Variants in KCNK2 observed in about 807,000 individuals in gnomAD.
The protein encoded by KCNK2 is potassium channel subfamily K member 2.
Under a neutral mutation model 40.5 loss-of-function variants are expected in KCNK2, and 21 were observed. The observed-to-expected ratio is 0.52, with a 90% CI of 0.37 to 0.75. The LOEUF is 0.75. Ranked by LOEUF, KCNK2 falls within the 30% of genes least tolerant of loss-of-function variation. KCNK2 has a pLI of 0.00. For missense variants in KCNK2, 399 were observed against 531.6 expected (o/e 0.75, Z 2.45); for synonymous variants, 191 against 202.2 (o/e 0.94, Z 0.47).
chr1:215,054,213 A>G lies in KCNK2; in HGVS notation c.35-32155A>G, dbSNP rs1463141060. Among the ~76,000 whole-genome samples, 3 of 152,192 alleles carry G rather than the reference A, an allele frequency of 2.0e-5. No individual in the cohort carries two copies. The East Asian group carries it at 5.8e-4, about 29-fold the overall frequency. On this transcript the variant is annotated intron_variant, in intron 1 of 6. Transcript: ENST00000391895. ...ATATTTCCCTTAATGCAGAATTGTC[A>G]ATGTCATGTTCTTTGGTGGAGAGGA...
chr1:215,123,378 TCTTTATGC>T (rs1661279443), intron 2 of KCNK2, among the ~76,000 whole-genome samples: 1 of 151,884 alleles, frequency 6.6e-6, no homozygotes, highest in South Asian at 2.1e-4. Flanking sequence ...TTTATTATCT[TCTTTATGC>T]CTTTTTGTAT....
Position 215,025,934 on chromosome 1 carries a change from G to C in KCNK2, c.34+19979G>C, listed in dbSNP as rs574062147. On this transcript the variant is annotated intron_variant, in intron 1 of 6. Coordinates refer to the KCNK2 transcript ENST00000391895. ...ACATTTTAATAAATGTTGCCCAATT[G>C]CTTTCTTAAAAAGCTGTACCAATTT... Among the ~76,000 whole-genome samples, 9 of 152,086 alleles carry C rather than the reference G, an allele frequency of 5.9e-5. No individual in the cohort carries two copies. In the South Asian group the frequency reaches 1.9e-3, roughly 32 times the overall value.
At chr1:215,140,175 G>T (rs1234247058) in intron 3 of KCNK2, among the ~76,000 whole-genome samples, 1 of 152,096 alleles carries the variant, frequency 6.6e-6, no homozygotes, top group Non-Finnish European at 1.5e-5. Flanking sequence ...GATACAGAAA[G>T]CCATTACTTG....
chr1:215,161,837 T>C (rs1044287444), intron 3 of KCNK2, among the ~76,000 whole-genome samples: 3 of 152,244 alleles, frequency 2.0e-5, no homozygotes, highest in African/African-American at 7.2e-5. Flanking sequence ...TGATGGGCAT[T>C]TGGATTGGTT....
chr1:215,134,940 A>T (rs971425189), intron 3 of KCNK2, among the ~76,000 whole-genome samples: 2 of 151,980 alleles, frequency 1.3e-5, no homozygotes, highest in Non-Finnish European at 2.9e-5. Flanking sequence ...ATCATGAGGA[A>T]TATGAAATAA....
chr1:215,192,775 T>G lies in KCNK2; in HGVS notation c.824-2178T>G, dbSNP rs543686918. On this transcript the variant is annotated intron_variant, in intron 5 of 6. Transcript: ENST00000444842. ...ATGCATTTATAATTATTCCCAGAAATAAGCTTTTAATGTTGCAAAAAGTAA... is the reference window on the plus strand; with the variant it reads ...ATGCATTTATAATTATTCCCAGAAAGAAGCTTTTAATGTTGCAAAAAGTAA... 1.6e-4 allele frequency among the ~76,000 whole-genome samples: 24 copies of G among 152,280 alleles called. No individual in the cohort carries two copies. In the South Asian group the frequency reaches 5.0e-3, roughly 32 times the overall value.
intron 2 of KCNK2, among the ~76,000 whole-genome samples, chr1:215,099,498 T>G (rs1660121454): frequency 6.6e-6 from 1 of 152,020 alleles, no homozygotes. Context: ...TGTGGACTGC[T>G]AAGTTAAAAA....
chr1:215,095,650 C>T (rs985035085), intron 2 of KCNK2, among the ~76,000 whole-genome samples: 3 of 152,124 alleles, frequency 2.0e-5, no homozygotes, highest in East Asian at 1.9e-4. Flanking sequence ...TATGGGGTTG[C>T]GTTTTTTTCA....
At chr1:215,162,162 C>G (rs964912340) in intron 3 of KCNK2, among the ~76,000 whole-genome samples, 1 of 152,186 alleles carries the variant, frequency 6.6e-6, no homozygotes, top group Non-Finnish European at 1.5e-5. Flanking sequence ...ATTTGCATTT[C>G]TCTAATGAAC....
At chr1:215,215,014 A>C (rs910806404) in intron 6 of KCNK2, among the ~76,000 whole-genome samples, 1 of 152,206 alleles carries the variant, frequency 6.6e-6, no homozygotes, top group African/African-American at 2.4e-5. Context: ...ATGAGCAACC[A>C]ACTTTTACAT....
At chr1:215,047,493 C>A (rs985436671) in intron 1 of KCNK2, among the ~76,000 whole-genome samples, 6 of 151,958 alleles carry the variant, frequency 3.9e-5, no homozygotes, top group Admixed American at 2.6e-4. Context: ...AAATTTGAAC[C>A]TAGATTTCTT....
chr1:215,012,664 T>C (rs1656449128), intron 1 of KCNK2, among the ~76,000 whole-genome samples: 2 of 144,556 alleles, frequency 1.4e-5, no homozygotes, highest in Non-Finnish European at 3.0e-5. Context: ...TTTTTTTTTT[T>C]CTGTAGAGTC....
intron 6 of KCNK2, among the ~76,000 whole-genome samples, chr1:215,223,272 CTTACAAGTATTATCGATACTT>C (rs1666259547): frequency 9.1e-6 from 1 of 110,164 alleles, no homozygotes. Flanking sequence ...AGTCAAAACT[CTTACAAGTATTATCGATACTT>C]GAGTTGGCTG....
intron 5 of KCNK2, among the ~76,000 whole-genome samples, chr1:215,186,906 C>T (rs1379315799): frequency 1.3e-5 from 2 of 152,168 alleles, no homozygotes. Context: ...CAGAGTAATT[C>T]TTCCTAAAGG....
chr1:215,128,441 G>C (rs2102585994), intron 3 of KCNK2, among the ~76,000 whole-genome samples: 1 of 152,296 alleles, frequency 6.6e-6, no homozygotes, highest in South Asian at 2.1e-4. Flanking sequence ...AAGGAAGTAA[G>C]GACGTAGTCC....
At chr1:215,048,877 T>C (rs1657880710) in intron 1 of KCNK2, among the ~76,000 whole-genome samples, 1 of 152,182 alleles carries the variant, frequency 6.6e-6, no homozygotes, top group African/African-American at 2.4e-5. Context: ...TCCCGTGGCA[T>C]GATGTACCAA....
At chr1:215,017,046 C>T (rs920081148) in intron 1 of KCNK2, among the ~76,000 whole-genome samples, 1 of 151,982 alleles carries the variant, frequency 6.6e-6, no homozygotes, top group Admixed American at 6.6e-5. Flanking sequence ...TGAGATATCA[C>T]CTCGCCCTAT....
At chr1:215,229,742 T>C (rs1320516273) in intron 6 of KCNK2, among the ~76,000 whole-genome samples, 6 of 152,024 alleles carry the variant, frequency 3.9e-5, no homozygotes, top group Non-Finnish European at 5.9e-5. Context: ...TTTAGATGAG[T>C]TGCCCAAGTG....
chr1:215,078,316 G>A (rs565747704), upstream of KCNK2, among the ~76,000 whole-genome samples: 1 of 152,330 alleles, frequency 6.6e-6, no homozygotes, highest in South Asian at 2.1e-4. Flanking sequence ...AAACGCAGGA[G>A]ATAATAAAAC....
Sources: allele counts gnomAD v4.1 joint callset (sites outside exome capture counted in the v4.1 genomes callset), GRCh38; gene constraint gnomAD v4.1.1; transcripts MANE v1.5; gene names NCBI Gene and HGNC (gene_info 2026-07-23, HGNC 2026-07-21).